The following CDYL variants were observed in gnomAD, a reference collection of about 807,000 sequenced individuals.
CDYL encodes the protein chromodomain Y like.
CDYL carries 8 observed loss-of-function variants against 47.3 expected under a neutral mutation model. The observed-to-expected ratio is 0.17, with a 90% CI of 0.10 to 0.31. The LOEUF (loss-of-function observed/expected upper bound fraction) is 0.31. Ranked by LOEUF, CDYL falls within the 10% of genes least tolerant of loss-of-function variation. The pLI is 1.00. For missense variants in CDYL, 471 were observed against 701.4 expected (o/e 0.67, Z 3.71); for synonymous variants, 266 against 265.0 (o/e 1.00, Z -0.04).
At chr6:4,832,472 T>G (rs1434040322) in intron 1 of CDYL, among the ~76,000 whole-genome samples, 35 of 149,004 alleles carry the variant, frequency 2.3e-4, no homozygotes, top group South Asian at 1.2e-3. Flanking sequence ...GCTGGATTCG[T>G]TTTGCCAGTA....
At chr6:4,842,118 A>G (rs1365229297) in intron 1 of CDYL, among the ~76,000 whole-genome samples, 1 of 143,624 alleles carries the variant, frequency 7.0e-6, no homozygotes, top group Non-Finnish European at 1.5e-5. Context: ...TTATTTATAT[A>G]TAAACTTGTT....
chr6:4,744,059 C>G (rs1757843169), intron 3 of CDYL, among the ~76,000 whole-genome samples: 1 of 152,066 alleles, frequency 6.6e-6, no homozygotes, highest in African/African-American at 2.4e-5. Context: ...TAATTCCTGA[C>G]CCAGAAGTCT....
chr6:4,913,541 CCT>C (rs1757470650), intron 2 of CDYL, among the ~76,000 whole-genome samples: 1 of 152,174 alleles, frequency 6.6e-6, no homozygotes, highest in South Asian at 2.1e-4. Context: ...TAACAGAAAG[CCT>C]GGTTGCATGA....
Position 4,780,235 on chromosome 6 carries a change from TTC to T in CDYL, c.24+3432_24+3433del, listed in dbSNP as rs1330594612. Among the ~76,000 whole-genome samples the T allele has an allele frequency of 2.0e-5, 3 of 151,702 alleles. No homozygotes were observed. The East Asian group carries it at 5.8e-4, about 29-fold the overall frequency. On this transcript the variant is annotated intron_variant, in intron 1 of 6. Coordinates refer to ENST00000397588, the MANE Select transcript of CDYL (RefSeq NM_004824.4). ...TTCCTCCTTCCTTTCCTTTCTTTCT[TTC>T]TCTTTTTTTTTTTCAAGAGTCTTGC...
chr6:4,749,231 C>T (rs1479357681), intron 3 of CDYL, among the ~76,000 whole-genome samples: 3 of 152,170 alleles, frequency 2.0e-5, no homozygotes, highest in South Asian at 2.1e-4. Flanking sequence ...TTTGTACTCA[C>T]AGCACCTAGC....
chr6:4,786,912 G>A (rs898463864), intron 1 of CDYL, among the ~76,000 whole-genome samples: 5 of 152,208 alleles, frequency 3.3e-5, no homozygotes, highest in African/African-American at 1.2e-4. Context: ...CAGGTCCCTC[G>A]AGTTGAGGCT....
chr6:4,738,703 G>T (rs1310682876), intron 3 of CDYL, among the ~76,000 whole-genome samples: 2 of 152,220 alleles, frequency 1.3e-5, no homozygotes, highest in Non-Finnish European at 2.9e-5. Flanking sequence ...TGTGTGCAAA[G>T]AGACAAATAA....
intron 1 of CDYL, among the ~76,000 whole-genome samples, chr6:4,803,689 G>A (rs1759288593): frequency 6.6e-6 from 1 of 150,902 alleles, no homozygotes; most frequent in African/African-American, 2.4e-5. Context: ...ATCAGCACGT[G>A]GCCTCGGGAT....
intron 1 of CDYL, chr6:4,714,558 T>C (rs978209686): frequency 1.3e-5 from 2 of 152,336 alleles, no homozygotes; most frequent in African/African-American, 4.8e-5. Context: ...ATCACAGCAC[T>C]GCTGCTGGCC....
rs1373422317 is a variant in CDYL at position 4,900,828 on chromosome 6, T to TA, written c.691+8450dup. ...ATATATATATATATATATATATATATATCTTGCCTGTTTTTCTTTTGGGTG... is the reference window on the plus strand; with the variant it reads ...ATATATATATATATATATATATATATAATCTTGCCTGTTTTTCTTTTGGGTG... On this transcript the variant is annotated intron_variant, in intron 2 of 6. Transcript: ENST00000397588. 3.0e-5 allele frequency among the ~76,000 whole-genome samples: 3 copies of TA among 99,372 alleles called. 1 individual carries two copies. The highest frequency in any genetic ancestry group is 1.1e-4 in the African/African-American group (3 of 27,466). The allele number at this position is 99,372 out of a possible 152,430, so 65.2% of individuals were successfully genotyped here.
At chr6:4,744,028 AG>A (rs1345774408) in intron 3 of CDYL, among the ~76,000 whole-genome samples, 1 of 152,156 alleles carries the variant, frequency 6.6e-6, no homozygotes, top group Non-Finnish European at 1.5e-5. Flanking sequence ...AGGGATCCAA[AG>A]ATTTTATGAT....
At chr6:4,850,675 T>C (rs996220490) in intron 1 of CDYL, among the ~76,000 whole-genome samples, 1 of 152,182 alleles carries the variant, frequency 6.6e-6, no homozygotes, top group African/African-American at 2.4e-5. Context: ...AATATGCCAT[T>C]TGATAATTGA....
rs140722115 is a variant in CDYL at position 4,735,698 on chromosome 6, G to A, written c.186+854G>A. ...GGAGAATCACTTGAACCCAGGAGGT[G>A]GAGGTTGCGGCGAGCTGAGATCGCT... On this transcript the variant is annotated intron_variant, in intron 3 of 8. Coordinates refer to the CDYL transcript ENST00000328908. 1.9e-3 allele frequency among the ~76,000 whole-genome samples: 296 copies of A among 152,250 alleles called. 1 individual carries two copies. Among genetic ancestry groups the A allele is most frequent in the Non-Finnish European group, 3.2e-3 (219 of 68,028 alleles).
At chr6:4,950,372 G>A (rs1040069662) in intron 5 of CDYL, among the ~76,000 whole-genome samples, 3 of 152,168 alleles carry the variant, frequency 2.0e-5, no homozygotes, top group African/African-American at 7.2e-5. Context: ...CAACTTCAGG[G>A]ATGTGGCTGT....
chr6:4,789,315 A>G (rs1226906443), intron 1 of CDYL, among the ~76,000 whole-genome samples: 5 of 152,106 alleles, frequency 3.3e-5, no homozygotes, highest in South Asian at 2.1e-4. Flanking sequence ...GGCTCAAGCA[A>G]TCTGCTCCTT....
At chr6:4,734,893 G>C (rs1261482482) in intron 3 of CDYL, 1 of 1,610,610 alleles carries the variant, frequency 6.2e-7, no homozygotes, top group Non-Finnish European at 8.5e-7. Context: ...ATCTGGCAAG[G>C]AAGAGCCCAT....
In CDYL at chr6:4,776,501, C is replaced by A. The variant is rs1758453413; in HGVS notation, c.-283C>A. The A allele has an allele frequency of 7.1e-6, 1 of 140,378 alleles. No homozygotes were observed. The highest frequency in any genetic ancestry group is 1.6e-5 in the Non-Finnish European group (1 of 63,554). 8.7% of individuals were successfully genotyped at this position (140,378 alleles called of 1,614,324 possible). On this transcript the variant is annotated 5_prime_UTR_variant, in exon 1 of 7. Coordinates refer to ENST00000397588, the MANE Select transcript of CDYL (RefSeq NM_004824.4). ...GCCGCGCCCGCCCCAGCCCGCCCGG[C>A]CCCGCGGCGGGGCGCGATGAGCCCG...
chr6:4,885,921 T>TC (rs925603953), intron 1 of CDYL, among the ~76,000 whole-genome samples: 2 of 152,026 alleles, frequency 1.3e-5, no homozygotes, highest in African/African-American at 4.8e-5. Context: ...CCTGTTACCT[T>TC]CCCCCCAGGC....
intron 1 of CDYL, among the ~76,000 whole-genome samples, chr6:4,821,053 T>C (rs1194414450): frequency 6.6e-6 from 1 of 152,208 alleles, no homozygotes; most frequent in Non-Finnish European, 1.5e-5. Context: ...ATTCATCTTA[T>C]TAATGATGTC....
Sources: gnomAD v4.1 joint callset for allele counts (sites outside exome capture counted in the v4.1 genomes callset) on GRCh38, gnomAD v4.1.1 for gene constraint, MANE v1.5 for transcripts, NCBI Gene and HGNC (gene_info 2026-07-23, HGNC 2026-07-21) for gene names.